Variants in FGD4 observed in about 807,000 individuals in gnomAD.
The protein encoded by FGD4 is FYVE, RhoGEF and PH domain-containing protein 4.
A neutral mutation model predicts 102.0 loss-of-function variants in FGD4; 42 were observed. The ratio of observed to expected loss-of-function variants is 0.41; its 90% CI spans 0.32 to 0.53. The LOEUF is 0.53. Among genes scored for constraint, FGD4 ranks in the 20% least tolerant of loss-of-function variants. The pLI is 0.21. For synonymous variants in FGD4, 380 were observed against 375.7 expected (o/e 1.01, Z -0.13); for missense variants, 902 against 1,078.2 (o/e 0.84, Z 2.29).
At chr12:32,548,262 A>G (rs1300717155) in intron 1 of FGD4, among the ~76,000 whole-genome samples, 3 of 152,164 alleles carry the variant, frequency 2.0e-5, no homozygotes, top group African/African-American at 4.8e-5. Context: ...TAGATCTTCA[A>G]TGTGAAGTCA....
intron 11 of FGD4, among the ~76,000 whole-genome samples, chr12:32,620,599 T>G (rs1381040653): frequency 1.4e-5 from 2 of 145,080 alleles, no homozygotes; most frequent in African/African-American, 5.1e-5. Context: ...CAGTCTCGGC[T>G]CACTGCAGCC....
At chr12:32,408,160 A>T (rs1438146189) in intron 1 of FGD4, among the ~76,000 whole-genome samples, 1 of 131,370 alleles carries the variant, frequency 7.6e-6, no homozygotes, top group Admixed American at 8.0e-5. Context: ...CATCATGTCC[A>T]GCCAATTTTT....
At chr12:32,427,303 T>G (rs1218897597) in intron 1 of FGD4, among the ~76,000 whole-genome samples, 1 of 152,368 alleles carries the variant, frequency 6.6e-6, no homozygotes, top group East Asian at 1.9e-4. Context: ...TATTTATTTC[T>G]GCCTTAATTT....
intron 1 of FGD4, among the ~76,000 whole-genome samples, chr12:32,422,143 C>CA (rs1273373298): frequency 0.11 from 12,467 of 112,980 alleles, 666 homozygotes; most frequent in Middle Eastern, 0.26. Flanking sequence ...GACTCTGTCT[C>CA]AAAAAAAAAA....
At chr12:32,465,213 C>A (rs917636618) in intron 1 of FGD4, among the ~76,000 whole-genome samples, 1 of 148,388 alleles carries the variant, frequency 6.7e-6, no homozygotes, top group Non-Finnish European at 1.5e-5. Context: ...CTACTATTGA[C>A]CAGAAGCCTT....
intron 1 of FGD4, among the ~76,000 whole-genome samples, chr12:32,526,678 C>G (rs889224511): frequency 6.6e-6 from 1 of 152,160 alleles, no homozygotes; most frequent in Non-Finnish European, 1.5e-5. Context: ...TCGCTATTTG[C>G]GATAAATCTT....
intron 1 of FGD4, among the ~76,000 whole-genome samples, chr12:32,520,251 T>G (rs1940362997): frequency 6.6e-6 from 1 of 152,138 alleles, no homozygotes; most frequent in South Asian, 2.1e-4. Flanking sequence ...TGTGAAATAT[T>G]TTACAATTTC....
In FGD4 at chr12:32,596,765, G is replaced by A. The variant is rs200235691; in HGVS notation, c.1012-1732G>A. 5.8e-4 allele frequency among the ~76,000 whole-genome samples: 88 copies of A among 151,850 alleles called. 2 individuals are homozygous for A. In the East Asian group the frequency reaches 0.015, roughly 25 times the overall value. ...AGCCTGACCAACATGGAGAAACCTCGTCTCTGCTAAAAATACAAAATTAGC... is the reference window on the plus strand; with the variant it reads ...AGCCTGACCAACATGGAGAAACCTCATCTCTGCTAAAAATACAAAATTAGC... On this transcript the variant is annotated intron_variant, in intron 4 of 16. Transcript: ENST00000534526.
At chr12:32,480,557 G>A (rs1264590882) in intron 1 of FGD4, among the ~76,000 whole-genome samples, 2 of 151,774 alleles carry the variant, frequency 1.3e-5, no homozygotes, top group African/African-American at 4.8e-5. Flanking sequence ...CTGGAGTGCA[G>A]TGGCGCAATC....
At chr12:32,590,309 T>TAAA (rs939160366) in intron 4 of FGD4, among the ~76,000 whole-genome samples, 9 of 80,460 alleles carry the variant, frequency 1.1e-4, no homozygotes, top group African/African-American at 4.2e-4. Flanking sequence ...AGACTTCATC[T>TAAA]AAAAAAAAAA....
chr12:32,591,311 G>A (rs1443098004), intron 4 of FGD4, among the ~76,000 whole-genome samples: 2 of 152,156 alleles, frequency 1.3e-5, no homozygotes, highest in South Asian at 2.1e-4. Context: ...CCTCTAATAA[G>A]TAGATAGGAA....
intron 1 of FGD4, among the ~76,000 whole-genome samples, chr12:32,539,928 A>C (rs1942664026): frequency 6.6e-6 from 1 of 152,222 alleles, no homozygotes; most frequent in South Asian, 2.1e-4. Flanking sequence ...AATGTCTATC[A>C]GTAGTTACTG....
In FGD4 at chr12:32,582,038, A is replaced by G; in HGVS notation, c.582A>G (p.Gly194=). ...CTCCTAGAACCCCAGGAAGGCATGG[A>G]TTGACAACCACACCTCAACAAAAAC... ...LNAPRTPGRH[G]LTTTPQQKLL... is the part of the protein sequence containing the mutation. Residue 194 remains glycine (G), a synonymous_variant, in exon 4 of 17, where the codon GGA becomes GGG. Coordinates refer to ENST00000534526, the MANE Select transcript of FGD4 (RefSeq NM_001370298.3). 1.2e-6 allele frequency: 2 copies of G among 1,614,238 alleles called. No individual in the cohort carries two copies. Among genetic ancestry groups the G allele is most frequent in the Non-Finnish European group, 1.7e-6 (2 of 1,180,044 alleles).
chr12:32,473,452 A>G (rs995192018), intron 1 of FGD4, among the ~76,000 whole-genome samples: 4 of 152,024 alleles, frequency 2.6e-5, no homozygotes, highest in African/African-American at 9.7e-5. Context: ...TAAAAGCTGT[A>G]ACACTCACCG....
chr12:32,422,918 T>A (rs1244938615), intron 1 of FGD4, among the ~76,000 whole-genome samples: 1 of 152,150 alleles, frequency 6.6e-6, no homozygotes, highest in Non-Finnish European at 1.5e-5. Context: ...ATTACCCTCA[T>A]CGTACAGAAG....
chr12:32,403,860 G>T (rs1489951111), intron 1 of FGD4, among the ~76,000 whole-genome samples: 1 of 152,036 alleles, frequency 6.6e-6, no homozygotes, highest in African/African-American at 2.4e-5. Flanking sequence ...CTCCCAAAGT[G>T]CTGGGATTAC....
chr12:32,480,798 C>CTTTT (rs535014734), intron 1 of FGD4, among the ~76,000 whole-genome samples: 1 of 139,946 alleles, frequency 7.1e-6, no homozygotes, highest in African/African-American at 2.6e-5. Flanking sequence ...CACGCCCGGC[C>CTTTT]TTTTTTTTTT....
At chr12:32,442,955 A>G (rs913252190) in intron 1 of FGD4, among the ~76,000 whole-genome samples, 1 of 152,178 alleles carries the variant, frequency 6.6e-6, no homozygotes, top group Non-Finnish European at 1.5e-5. Context: ...AGCATTTTTC[A>G]TATATCTGTT....
intron 1 of FGD4, among the ~76,000 whole-genome samples, chr12:32,406,684 T>G (rs1227312082): frequency 1.3e-5 from 2 of 152,196 alleles, no homozygotes; most frequent in Admixed American, 6.5e-5. Flanking sequence ...TCTGCTTGGC[T>G]TCCAAATGCC....
Sources: allele counts gnomAD v4.1 joint callset (sites outside exome capture counted in the v4.1 genomes callset), GRCh38; gene constraint gnomAD v4.1.1; transcripts MANE v1.5; gene names NCBI Gene and HGNC (gene_info 2026-07-23, HGNC 2026-07-21).